KDM4C: variants seen among roughly 807,000 people sequenced by gnomAD.
KDM4C encodes lysine-specific demethylase 4C.
KDM4C carries 81 observed loss-of-function variants against 129.3 expected under a neutral mutation model. That is an observed-to-expected ratio of 0.63 (90% CI 0.52 to 0.75). The LOEUF is 0.75. Among genes scored for constraint, KDM4C ranks in the 30% least tolerant of loss-of-function variants. The pLI, the probability that KDM4C is intolerant of heterozygous loss-of-function variation, is 0.00. For missense variants in KDM4C, 1,457 were observed against 1,304.0 expected, an observed-to-expected ratio of 1.12 and a Z score of -1.81; for synonymous variants, 573 against 456.1, an observed-to-expected ratio of 1.26 and a Z score of -3.26.
chr9:7,130,670 G>C (rs1307645584), intron 19 of KDM4C, among the ~76,000 whole-genome samples: 1 of 152,260 alleles, frequency 6.6e-6, no homozygotes, highest in Non-Finnish European at 1.5e-5. Context: ...TGTTGCCCTG[G>C]AGGGGGGCAG....
chr9:6,949,513 G>C (rs921097350), intron 8 of KDM4C, among the ~76,000 whole-genome samples: 2 of 152,168 alleles, frequency 1.3e-5, no homozygotes, highest in Non-Finnish European at 2.9e-5. Context: ...AGGTTGTAGC[G>C]AGCCAAGATC....
intron 15 of KDM4C, among the ~76,000 whole-genome samples, chr9:7,045,684 C>G (rs113877415): frequency 5.3e-4 from 80 of 152,102 alleles, no homozygotes; most frequent in South Asian, 4.1e-4. Flanking sequence ...CACAGTGTAT[C>G]TTTTACTACT....
chr9:6,761,242 C>T (rs1819433022), intron 1 of KDM4C, among the ~76,000 whole-genome samples: 1 of 151,950 alleles, frequency 6.6e-6, no homozygotes, highest in Admixed American at 6.6e-5. Context: ...CTCCTGACCT[C>T]AGGTGATCCG....
chr9:6,746,342 C>T (rs1416245306), intron 1 of KDM4C, among the ~76,000 whole-genome samples: 1 of 143,700 alleles, frequency 7.0e-6, no homozygotes, highest in African/African-American at 2.6e-5. Context: ...AATCTCGGCT[C>T]ACTGCAAGCT....
chr9:7,075,843 A>G (rs138445550), intron 17 of KDM4C, among the ~76,000 whole-genome samples: 223 of 150,470 alleles, frequency 1.5e-3, no homozygotes, highest in African/African-American at 5.3e-3. Context: ...ACAGAGTTTC[A>G]CTCCTGTCAC....
intron 8 of KDM4C, among the ~76,000 whole-genome samples, chr9:6,924,176 C>G (rs546866165): frequency 2.1e-4 from 32 of 152,220 alleles, no homozygotes; most frequent in African/African-American, 7.5e-4. Flanking sequence ...TAAGAACATA[C>G]TGGAGAGAGA....
At chr9:6,858,954 C>A (rs1471403345) in intron 5 of KDM4C, among the ~76,000 whole-genome samples, 1 of 151,328 alleles carries the variant, frequency 6.6e-6, no homozygotes, top group African/African-American at 2.4e-5. Flanking sequence ...TGTTATTTGC[C>A]CATAGTATAT....
At chr9:6,809,350 A>G (rs1830726457) in intron 3 of KDM4C, among the ~76,000 whole-genome samples, 1 of 152,210 alleles carries the variant, frequency 6.6e-6, no homozygotes, top group Non-Finnish European at 1.5e-5. Context: ...AGGCAATTAA[A>G]CCTGTTTACA....
At chr9:7,005,715 A>C (rs543893834) in intron 12 of KDM4C, among the ~76,000 whole-genome samples, 17 of 152,194 alleles carry the variant, frequency 1.1e-4, no homozygotes, top group Non-Finnish European at 2.1e-4. Context: ...CTGAAGTACT[A>C]GGTTGCGCAT....
chr9:7,069,838 A>G (rs868589558), intron 17 of KDM4C, among the ~76,000 whole-genome samples: 2 of 152,220 alleles, frequency 1.3e-5, no homozygotes, highest in African/African-American at 4.8e-5. Context: ...TGTGACAATT[A>G]CAATGTGAGA....
chr9:6,807,497 C>T (rs1297752417), intron 3 of KDM4C, among the ~76,000 whole-genome samples: 2 of 148,236 alleles, frequency 1.3e-5, no homozygotes, highest in African/African-American at 5.0e-5. Flanking sequence ...GCCCGGCCGC[C>T]CATCGTCTGA....
Position 7,099,309 on chromosome 9 carries a change from A to G in KDM4C, c.2425-4376A>G, listed in dbSNP as rs141908359. Among the ~76,000 whole-genome samples the G allele has an allele frequency of 2.0e-3, 302 of 152,350 alleles. 2 individuals are homozygous for G. The highest frequency in any genetic ancestry group is 6.0e-3 in the African/African-American group (250 of 41,578). On this transcript the variant is annotated intron_variant, in intron 17 of 21. Transcript: ENST00000381309. ...TGAACCTCCAGCTCCTTCACAGTTC[A>G]TCATTTCTTGATGCCCTTTGCCAGG...
chr9:7,025,884 C>T (rs1825726385), intron 15 of KDM4C, among the ~76,000 whole-genome samples: 1 of 152,080 alleles, frequency 6.6e-6, no homozygotes, highest in Non-Finnish European at 1.5e-5. Flanking sequence ...TTTCTTATTA[C>T]TCATCAACTT....
intron 17 of KDM4C, chr9:7,076,990 C>T: frequency 1.0e-6 from 1 of 985,554 alleles, no homozygotes; most frequent in Non-Finnish European, 1.2e-6. Flanking sequence ...TAAGAGAATC[C>T]ACTCTATGTC....
chr9:6,803,430 C>A (rs1318305359), intron 2 of KDM4C, among the ~76,000 whole-genome samples: 1 of 151,794 alleles, frequency 6.6e-6, no homozygotes, highest in Non-Finnish European at 1.5e-5. Context: ...ATTAGCCGGG[C>A]ATGGTGGTGC....
intron 17 of KDM4C, among the ~76,000 whole-genome samples, chr9:7,067,279 T>A: frequency 6.6e-6 from 1 of 152,242 alleles, no homozygotes; most frequent in Non-Finnish European, 1.5e-5. Context: ...GGGGGACCCC[T>A]TCTTCCTATA....
intron 17 of KDM4C, among the ~76,000 whole-genome samples, chr9:7,093,656 T>C (rs1410512176): frequency 6.6e-6 from 1 of 152,242 alleles, no homozygotes; most frequent in Non-Finnish European, 1.5e-5. Flanking sequence ...AAAAATACTT[T>C]TTAGTATTTA....
In KDM4C at chr9:6,899,542, G is replaced by GTGTGTGTGTGTGT. The variant is rs1554633823; in HGVS notation, c.921+6310_921+6311insTGTGTGTGTGTGT. On this transcript the variant is annotated intron_variant, in intron 8 of 21. Coordinates refer to ENST00000381309, the MANE Select transcript of KDM4C (RefSeq NM_015061.6). The stretch of plus-strand genomic sequence containing the variant: ...GAGTCCTCTGTGCCTTTTCCATGGG[G>GTGTGTGTGTGTGT]GTGTGTGTGTGTGTGTGTGTGTGTG... Among the ~76,000 whole-genome samples the GTGTGTGTGTGTGT allele has an allele frequency of 4.0e-3, 598 of 150,156 alleles. 1 individual carries two copies. Among genetic ancestry groups the GTGTGTGTGTGTGT allele is most frequent in the Non-Finnish European group, 5.9e-3 (398 of 67,482 alleles).
At chr9:6,732,031 A>G (rs2130216567) in intron 1 of KDM4C, among the ~76,000 whole-genome samples, 1 of 152,176 alleles carries the variant, frequency 6.6e-6, no homozygotes, top group East Asian at 1.9e-4. Context: ...TTCCTTACCC[A>G]GGGTCCCCAT....
Sources: gnomAD v4.1 joint callset for allele counts (sites outside exome capture counted in the v4.1 genomes callset) on GRCh38, gnomAD v4.1.1 for gene constraint, MANE v1.5 for transcripts, NCBI Gene and HGNC (gene_info 2026-07-23, HGNC 2026-07-21) for gene names.